Variants in SORCS2 observed in about 807,000 individuals in gnomAD.
The protein encoded by SORCS2 is sortilin related VPS10 domain containing receptor 2.
SORCS2 carries 100 observed loss-of-function variants against 141.6 expected under a neutral mutation model. That is an observed-to-expected ratio of 0.71 (90% CI 0.60 to 0.83). SORCS2 has a LOEUF of 0.83. Among genes scored for constraint, SORCS2 ranks in the 40% least tolerant of loss-of-function variants. The probability of loss-of-function intolerance (pLI) is 0.00; values close to 1 mark genes in which losing one functional copy is unlikely to be tolerated. For missense variants in SORCS2, 1,646 were observed against 1,560.2 expected (o/e 1.05, Z -0.93); for synonymous variants, 789 against 676.9 (o/e 1.17, Z -2.57).
intron 1 of SORCS2, among the ~76,000 whole-genome samples, chr4:7,241,921 G>T (rs984277806): frequency 1.3e-5 from 2 of 152,216 alleles, no homozygotes; most frequent in African/African-American, 4.8e-5. Flanking sequence ...TCCGTGCCTG[G>T]CAGTGGGAGT....
chr4:7,546,364 C>T (rs1325983954), intron 3 of SORCS2, among the ~76,000 whole-genome samples: 1 of 152,178 alleles, frequency 6.6e-6, no homozygotes, highest in East Asian at 1.9e-4. Flanking sequence ...AAAGCTCAGC[C>T]TGCCCAGAGG....
intron 2 of SORCS2, among the ~76,000 whole-genome samples, chr4:7,413,671 AGCCACT>A (rs1158474393): frequency 6.6e-6 from 1 of 152,150 alleles, no homozygotes; most frequent in Admixed American, 6.5e-5. Flanking sequence ...TACAGGCGTG[AGCCACT>A]GCACCTGACC....
intron 2 of SORCS2, among the ~76,000 whole-genome samples, chr4:7,425,020 T>A (rs1726329956): frequency 6.6e-6 from 1 of 152,178 alleles, no homozygotes; most frequent in Non-Finnish European, 1.5e-5. Context: ...GCCCCATCTG[T>A]GGGCCGAGCT....
chr4:7,434,491 G>A (rs559219098), intron 2 of SORCS2: 29 of 1,611,874 alleles, frequency 1.8e-5, no homozygotes, highest in Non-Finnish European at 2.2e-5. Context: ...CACCTGTGCC[G>A]GGGCACTGTC....
intron 1 of SORCS2, among the ~76,000 whole-genome samples, chr4:7,264,538 AG>A (rs1288961066): frequency 6.6e-6 from 1 of 152,190 alleles, no homozygotes; most frequent in South Asian, 2.1e-4. Context: ...GTGGGCACTC[AG>A]CCCCTGGTCT....
intron 2 of SORCS2, among the ~76,000 whole-genome samples, chr4:7,480,207 G>A (rs1285485223): frequency 6.6e-6 from 1 of 152,216 alleles, no homozygotes; most frequent in Non-Finnish European, 1.5e-5. Context: ...GGACATGTCT[G>A]TGACCAGGTG....
intron 21 of SORCS2, among the ~76,000 whole-genome samples, chr4:7,728,081 T>A (rs1211421311): frequency 2.0e-5 from 3 of 152,206 alleles, no homozygotes; most frequent in African/African-American, 4.8e-5. Context: ...TCTTTGTCAC[T>A]GCTGTTATGA....
At chr4:7,707,385 C>G (rs941261962) in intron 14 of SORCS2, among the ~76,000 whole-genome samples, 2 of 152,196 alleles carry the variant, frequency 1.3e-5, no homozygotes, top group Non-Finnish European at 2.9e-5. Flanking sequence ...AAGAAGCCAT[C>G]AGTTCCAGCT....
intron 3 of SORCS2, among the ~76,000 whole-genome samples, chr4:7,610,070 C>T (rs1232733769): frequency 6.6e-6 from 1 of 152,214 alleles, no homozygotes; most frequent in Non-Finnish European, 1.5e-5. Context: ...AGACCGTCAC[C>T]TTGGGGCCCC....
intron 3 of SORCS2, among the ~76,000 whole-genome samples, chr4:7,610,833 C>G (rs557978579): frequency 6.6e-6 from 1 of 152,096 alleles, no homozygotes; most frequent in Non-Finnish European, 1.5e-5. Context: ...AGAGCAGCCC[C>G]GATCCTGTGG....
intron 1 of SORCS2, among the ~76,000 whole-genome samples, chr4:7,373,371 G>C: frequency 7.0e-6 from 1 of 142,978 alleles, no homozygotes; most frequent in Non-Finnish European, 1.5e-5. Context: ...CCACCCATCT[G>C]TTTTCTTTGG....
At position 7,457,047 on chromosome 4, in the gene SORCS2, C is replaced by G. The variant is rs557252605; in HGVS notation, c.548+60692C>G. Among the ~76,000 whole-genome samples the G allele has an allele frequency of 5.3e-5, 8 of 152,266 alleles. No homozygotes were observed. In the South Asian group the frequency reaches 1.7e-3, roughly 32 times the overall value. On this transcript the variant is annotated intron_variant, in intron 2 of 26. Transcript: ENST00000507866. ...GCTGGCAGAGACCTTTCTGTCCATC[C>G]CTGCTCCTTGACATTCCAGAATTCC...
At chr4:7,235,069 T>A (rs1712168920) in intron 1 of SORCS2, among the ~76,000 whole-genome samples, 1 of 152,220 alleles carries the variant, frequency 6.6e-6, no homozygotes, top group Admixed American at 6.5e-5. Context: ...CTGCGTTGCA[T>A]CCCGTGAGGG....
intron 2 of SORCS2, among the ~76,000 whole-genome samples, chr4:7,457,848 G>GT (rs1446960378): frequency 6.6e-6 from 1 of 152,236 alleles, no homozygotes; most frequent in Admixed American, 6.5e-5. Flanking sequence ...GGGGGTTTTA[G>GT]TTTTTTGAGC....
chr4:7,380,037 C>T (rs1017358717), intron 1 of SORCS2, among the ~76,000 whole-genome samples: 3 of 152,278 alleles, frequency 2.0e-5, no homozygotes, highest in East Asian at 3.9e-4. Flanking sequence ...GGAAGAGCCA[C>T]GGGTCACCAA....
At chr4:7,608,301 T>C (rs1420408101) in intron 3 of SORCS2, among the ~76,000 whole-genome samples, 1 of 152,158 alleles carries the variant, frequency 6.6e-6, no homozygotes, top group Non-Finnish European at 1.5e-5. Flanking sequence ...GCTGCCGGAT[T>C]GCACACCCCA....
intron 8 of SORCS2, among the ~76,000 whole-genome samples, chr4:7,674,374 C>A (rs560917412): frequency 3.3e-5 from 5 of 152,022 alleles, no homozygotes; most frequent in Non-Finnish European, 7.4e-5. Context: ...GAGATTGAGA[C>A]CATCCTGGCT....
At chr4:7,613,015 C>G (rs1197820301) in intron 3 of SORCS2, among the ~76,000 whole-genome samples, 2 of 150,628 alleles carry the variant, frequency 1.3e-5, no homozygotes, top group Non-Finnish European at 3.0e-5. Context: ...CTGCAAGCCC[C>G]TCTCTCTCCA....
At chr4:7,257,870 G>A (rs1714012969) in intron 1 of SORCS2, among the ~76,000 whole-genome samples, 1 of 152,212 alleles carries the variant, frequency 6.6e-6, no homozygotes, top group African/African-American at 2.4e-5. Flanking sequence ...GCCGACAGGA[G>A]ATGGGAGGAA....
Sources: gnomAD v4.1 joint callset for allele counts (sites outside exome capture counted in the v4.1 genomes callset) on GRCh38, gnomAD v4.1.1 for gene constraint, MANE v1.5 for transcripts, NCBI Gene and HGNC (gene_info 2026-07-23, HGNC 2026-07-21) for gene names.